The following ZFYVE28 variants were observed in gnomAD, a reference collection of about 807,000 sequenced individuals.
ZFYVE28 encodes the protein zinc finger FYVE-type containing 28.
ZFYVE28 carries 40 observed loss-of-function variants against 82.1 expected under a neutral mutation model. The observed-to-expected ratio is 0.49, with a 90% CI of 0.38 to 0.63. ZFYVE28 has a LOEUF of 0.63. Ranked by LOEUF, ZFYVE28 falls within the 30% of genes least tolerant of loss-of-function variation. ZFYVE28 has a pLI of 0.00. For synonymous variants in ZFYVE28, 612 were observed against 546.1 expected (o/e 1.12, Z -1.68); for missense variants, 1,321 against 1,242.1 (o/e 1.06, Z -0.96).
intron 2 of ZFYVE28, among the ~76,000 whole-genome samples, chr4:2,347,464 CAT>C (rs1157670820): frequency 6.6e-6 from 1 of 152,164 alleles, no homozygotes; most frequent in African/African-American, 2.4e-5. Flanking sequence ...GCCAGATGCA[CAT>C]GATTCCCGAT....
chr4:2,292,347 G>C (rs941033533), intron 8 of ZFYVE28, among the ~76,000 whole-genome samples: 4 of 152,334 alleles, frequency 2.6e-5, no homozygotes, highest in African/African-American at 9.6e-5. Flanking sequence ...CCATGCCAAA[G>C]GGACAGGGAG....
intron 1 of ZFYVE28, among the ~76,000 whole-genome samples, chr4:2,387,425 C>T (rs1729391790): frequency 1.3e-5 from 2 of 152,248 alleles, no homozygotes; most frequent in African/African-American, 4.8e-5. Flanking sequence ...GACCCAAGTC[C>T]AGGCGAACGT....
intron 8 of ZFYVE28, among the ~76,000 whole-genome samples, chr4:2,303,345 C>A (rs1461209035): frequency 6.6e-6 from 1 of 152,190 alleles, no homozygotes; most frequent in Non-Finnish European, 1.5e-5. Context: ...GCCTGCCATC[C>A]TTCAACGCAG....
At chr4:2,407,122 C>T (rs1004935835) in intron 1 of ZFYVE28, among the ~76,000 whole-genome samples, 1 of 40,684 alleles carries the variant, frequency 2.5e-5, no homozygotes, top group African/African-American at 6.0e-5. Flanking sequence ...ACTCCTGGGC[C>T]CCACCATTGC....
At chr4:2,343,801 C>T (rs1289015380) in intron 2 of ZFYVE28, among the ~76,000 whole-genome samples, 7 of 152,216 alleles carry the variant, frequency 4.6e-5, no homozygotes, top group Non-Finnish European at 8.8e-5. Flanking sequence ...CTTTCATGGC[C>T]GTGCTTGGAT....
At chr4:2,324,298 T>A (rs1163410849) in intron 6 of ZFYVE28, among the ~76,000 whole-genome samples, 1 of 151,878 alleles carries the variant, frequency 6.6e-6, no homozygotes, top group Non-Finnish European at 1.5e-5. Flanking sequence ...TCACGGAGGG[T>A]CGTCAGCTGT....
rs1720951803 is a variant in ZFYVE28, at chr4:2,332,955, C to T, written c.701+2750G>A. 6.6e-6 allele frequency among the ~76,000 whole-genome samples: 1 copy of T among 152,096 alleles called. No individual in the cohort carries two copies. Among genetic ancestry groups the T allele is most frequent in the Admixed American group, 6.5e-5 (1 of 15,280 alleles). On this transcript the variant is annotated intron_variant, in intron 6 of 12. Coordinates refer to ENST00000290974, the MANE Select transcript of ZFYVE28 (RefSeq NM_020972.3). The surrounding 1 kb of genome is among the most constrained non-coding windows in gnomAD (Gnocchi z 4.7). ...ACAGCTGGCCACCCCCCTGGACAGG[C>T]CTGCTCCCTGGACTCTGGCTTTGGG... is the stretch of plus-strand genomic sequence containing the variant.
In ZFYVE28 at chr4:2,304,823, T is replaced by G. The variant is rs1165645356; in HGVS notation, c.1517A>C (p.His506Pro). ...DDAETAEMIA[H>P]RTGGMKLSAT... is the part of the protein sequence containing the mutation. ...TGAGAGCTTCATGCCCCCTGTCCGG[T>G]GGGCGATCATCTCAGCCGTCTCTGC... Residue 506 changes from histidine (H) to proline (P), a missense_variant, in exon 8 of 13, where the codon CAC becomes CCC. Transcript: ENST00000290974. The G allele has an allele frequency of 6.2e-7, 1 of 1,612,616 alleles. No homozygotes were observed. Among genetic ancestry groups the G allele is most frequent in the Admixed American group, 1.7e-5 (1 of 60,022 alleles).
At chr4:2,319,804 G>A (rs1230720614) in intron 7 of ZFYVE28, among the ~76,000 whole-genome samples, 3 of 150,808 alleles carry the variant, frequency 2.0e-5, no homozygotes, top group Non-Finnish European at 4.4e-5. Flanking sequence ...TGGGGACGGT[G>A]GGGACGGTGG....
At chr4:2,333,548 T>G (rs1300822262) in intron 6 of ZFYVE28, among the ~76,000 whole-genome samples, 1 of 151,394 alleles carries the variant, frequency 6.6e-6, no homozygotes, top group Non-Finnish European at 1.5e-5. Context: ...GCGGGGAGGG[T>G]CACCTGGGGT....
chr4:2,279,047 A>G (rs1474021919), intron 8 of ZFYVE28, among the ~76,000 whole-genome samples: 1 of 152,152 alleles, frequency 6.6e-6, no homozygotes, highest in Non-Finnish European at 1.5e-5. Flanking sequence ...TGGCACAGAC[A>G]CTTTGGAAAA....
intron 6 of ZFYVE28, chr4:2,330,450 G>A (rs1477980751): frequency 9.3e-7 from 1 of 1,071,910 alleles, no homozygotes; most frequent in African/African-American, 1.7e-5. Flanking sequence ...GGACAGCACG[G>A]AGGAGGGAAC....
chr4:2,310,849 A>G (rs1011868678), intron 7 of ZFYVE28, among the ~76,000 whole-genome samples: 1 of 152,218 alleles, frequency 6.6e-6, no homozygotes, highest in Non-Finnish European at 1.5e-5. Flanking sequence ...CTATTCCCTG[A>G]AAGAATTTAT....
intron 7 of ZFYVE28, among the ~76,000 whole-genome samples, chr4:2,306,479 C>G (rs560265155): frequency 4.9e-4 from 75 of 152,352 alleles, no homozygotes; most frequent in African/African-American, 1.7e-3. Flanking sequence ...GGCCGAGGCA[C>G]GCACCTGCTC....
At chr4:2,322,150 G>C (rs1423200503) in intron 6 of ZFYVE28, among the ~76,000 whole-genome samples, 1 of 152,238 alleles carries the variant, frequency 6.6e-6, no homozygotes, top group Non-Finnish European at 1.5e-5. Flanking sequence ...ACAGAGAGAA[G>C]GCCCGTGGGA....
In ZFYVE28 at chr4:2,275,199, C is replaced by T. The variant is rs139014953; in HGVS notation, c.2052-983G>A. Among the ~76,000 whole-genome samples the T allele has an allele frequency of 3.9e-3, 588 of 152,298 alleles. 5 individuals carry two copies. The highest frequency in any genetic ancestry group is 0.013 in the African/African-American group (560 of 41,568). On this transcript the variant is annotated intron_variant, in intron 8 of 12. Transcript: ENST00000290974. ...AGGGACCCTCCGTGCATGGGGTCTC[C>T]ATCTTCCCAGCAGCTGCGTCCTCAG... is the stretch of plus-strand genomic sequence containing the variant.
rs978201829 is a variant in ZFYVE28 at position 2,337,565 on chromosome 4, G to A, written c.522-69C>T. The A allele has an allele frequency of 3.4e-5, 44 of 1,295,666 alleles. 1 individual carries two copies. In the South Asian group the frequency reaches 3.5e-4, roughly 10 times the overall value. The allele number at this position is 1,295,666 out of a possible 1,614,324, so 80.3% of individuals were successfully genotyped here. On this transcript the variant is annotated intron_variant, in intron 4 of 12. Transcript: ENST00000290974. ...CGGGGCCCCTCCAAAACAGAGTGGG[G>A]GGCATCTTCAATTAAAGCTGCAATG...
chr4:2,301,772 C>T (rs543458743), intron 8 of ZFYVE28, among the ~76,000 whole-genome samples: 192 of 152,268 alleles, frequency 1.3e-3, no homozygotes, highest in Middle Eastern at 3.4e-3. Context: ...GAAAAACGAT[C>T]CATTGCCAGT....
At chr4:2,325,521 A>G (rs1719725716) in intron 6 of ZFYVE28, among the ~76,000 whole-genome samples, 1 of 152,160 alleles carries the variant, frequency 6.6e-6, no homozygotes. Flanking sequence ...TGGCTTCAAA[A>G]ACTTCAGTGG....
Sources: allele counts gnomAD v4.1 joint callset (sites outside exome capture counted in the v4.1 genomes callset), GRCh38; gene constraint gnomAD v4.1.1; non-coding constraint Gnocchi (gnomAD v3.1); transcripts MANE v1.5; gene names NCBI Gene and HGNC (gene_info 2026-07-23, HGNC 2026-07-21).